RGS14: variants seen among roughly 807,000 people sequenced by gnomAD.
RGS14 encodes the protein regulator of G protein signaling 14.
Under a neutral mutation model 63.8 loss-of-function variants are expected in RGS14, and 33 were observed. The observed-to-expected ratio is 0.52, with a 90% CI of 0.39 to 0.69. The LOEUF is 0.69. Ranked by LOEUF, RGS14 falls within the 30% of genes least tolerant of loss-of-function variation. The pLI, the probability that RGS14 is intolerant of heterozygous loss-of-function variation, is 0.00. For missense variants in RGS14, 739 were observed against 742.9 expected (o/e 0.99, Z 0.06); for synonymous variants, 296 against 320.9 (o/e 0.92, Z 0.83).
chr5:177,367,209 G>A, intron 5 of RGS14, 175 bp downstream of exon 5: 2 of 1,103,286 alleles, frequency 1.8e-6, no homozygotes, highest in Non-Finnish European at 2.5e-6. Flanking sequence ...AGAGGCACGG[G>A]GAAGGACAGT....
Position 177,364,862 on chromosome 5 carries a change from A to T in RGS14, c.46-1101A>T, listed in dbSNP as rs1310567280. Among the ~76,000 whole-genome samples, 7 of 152,212 alleles carry T rather than the reference A, an allele frequency of 4.6e-5. No homozygotes were observed. Among genetic ancestry groups the T allele is most frequent in the African/African-American group, 1.7e-4 (7 of 41,442 alleles). On this transcript the variant is annotated intron_variant, in intron 1 of 14. Coordinates refer to ENST00000408923, the MANE Select transcript of RGS14 (RefSeq NM_006480.5). This position sits in a 1 kb window ranked among gnomAD's most constrained non-coding sequence, Gnocchi z 4.6. Reference sequence around the variant, plus strand: ...TAGTTACTGCAGCAGTACTACTCACAGAGTAGTCCCTGAACCAGCAGCATC... The same window carrying T: ...TAGTTACTGCAGCAGTACTACTCACTGAGTAGTCCCTGAACCAGCAGCATC...
At chr5:177,367,615 A>C (rs943129686) in intron 6 of RGS14, 58 bp downstream of exon 6, 1 of 1,582,016 alleles carries the variant, frequency 6.3e-7, no homozygotes, top group Non-Finnish European at 8.6e-7. Context: ...ACCGCGTGCA[A>C]GAGGGGACGC....
rs1362688128 is a variant in RGS14, at chr5:177,371,057, G to GC, written c.1254+27dup. 5 of 1,142,130 alleles carry GC rather than the reference G, an allele frequency of 4.4e-6. No individual in the cohort carries two copies. In the African/African-American group the frequency reaches 1.2e-4, roughly 27 times the overall value. 70.7% of individuals were successfully genotyped at this position (1,142,130 alleles called of 1,614,324 possible). Reference sequence around the variant, plus strand: ...GTGAGCTTCCGGGCCGCGGGGCGGGGCGGGGCGGGGCCGGGCCGGGGCCGG... The same window carrying GC: ...GTGAGCTTCCGGGCCGCGGGGCGGGGCCGGGGCGGGGCCGGGCCGGGGCCGG... On this transcript the variant is annotated intron_variant, in intron 11 of 14. Coordinates refer to ENST00000408923, the MANE Select transcript of RGS14 (RefSeq NM_006480.5). This position sits in a 1 kb window ranked among gnomAD's most constrained non-coding sequence, Gnocchi z 6.1.
intron 3 of RGS14, 104 bp downstream of exon 3, chr5:177,366,459 T>C (rs1026034260): frequency 1.9e-6 from 2 of 1,063,128 alleles, no homozygotes; most frequent in African/African-American, 3.2e-5. Flanking sequence ...CTTCCTCATC[T>C]AGCCTTCCTG....
In RGS14 at chr5:177,371,348, A is replaced by C; in HGVS notation, c.1337-2A>C. 8 of 1,614,018 alleles carry C rather than the reference A, an allele frequency of 5.0e-6. No homozygotes were observed. The highest frequency in any genetic ancestry group is 6.8e-6 in the Non-Finnish European group (8 of 1,179,956). On this transcript the variant is annotated splice_acceptor_variant, in intron 12 of 14. Coordinates refer to ENST00000408923, the MANE Select transcript of RGS14 (RefSeq NM_006480.5). LOFTEE classifies it high-confidence loss of function. The surrounding 1 kb of genome is among the most constrained non-coding windows in gnomAD (Gnocchi z 6.1). Reference sequence around the variant, plus strand: ...CACTAACTGTGGCCCTCTCTGCTGCAGGTGTGAAGATCTCCAAAGCCCGTG... The same window carrying C: ...CACTAACTGTGGCCCTCTCTGCTGCCGGTGTGAAGATCTCCAAAGCCCGTG...
chr5:177,368,947 T>G, intron 9 of RGS14, 27 bp downstream of exon 9: 1 of 1,603,070 alleles, frequency 6.2e-7, no homozygotes, highest in East Asian at 2.2e-5. Context: ...GCTCCAACTC[T>G]AACCTCCTTC....
rs764530185 is a variant in RGS14, at chr5:177,372,083, C to CCAA, written c.*11_*13dup. 13 of 1,613,062 alleles carry CCAA rather than the reference C, an allele frequency of 8.1e-6. No individual in the cohort carries two copies. The highest frequency in any genetic ancestry group is 1.0e-5 in the Non-Finnish European group (12 of 1,179,522). ...ACCGACTCAGCCCTCTGACAGCTAC[C>CCAA]CAACAGTCCAGGACAGCTGCATGGC... is the stretch of plus-strand genomic sequence containing the variant. On this transcript the variant is annotated 3_prime_UTR_variant, in exon 15 of 15. Transcript: ENST00000408923.
At chr5:177,367,112 T>C (rs968240713) in intron 5 of RGS14, 78 bp downstream of exon 5, 1 of 1,517,618 alleles carries the variant, frequency 6.6e-7, no homozygotes, top group Non-Finnish European at 8.9e-7. Context: ...GCGGGGAGTC[T>C]GAACTACAAA....
In RGS14 at chr5:177,359,906, C is replaced by T. The variant is rs1381375014; in HGVS notation, c.45+1837C>T. On this transcript the variant is annotated intron_variant, in intron 1 of 14. Transcript: ENST00000408923. The surrounding 1 kb of genome is among the most constrained non-coding windows in gnomAD (Gnocchi z 4.4). ...AGGCTCAGAGAAGTAAATGCTGTGC[C>T]GAGGTCAGCCAGAGAGTAGAGCGTC... 2.0e-5 allele frequency among the ~76,000 whole-genome samples: 3 copies of T among 152,154 alleles called. No homozygotes were observed. Among genetic ancestry groups the T allele is most frequent in the African/African-American group, 7.2e-5 (3 of 41,402 alleles).
rs957894555 is a variant in RGS14, at chr5:177,372,137, C to T, written c.*62C>T. On this transcript the variant is annotated 3_prime_UTR_variant, in exon 15 of 15. Transcript: ENST00000408923. ...CGGCGGGCCGAGCATGCCATGGGTC[C>T]GCTCTGCATGCCCTGTCTGTGCCAT... 2.7e-5 allele frequency: 39 copies of T among 1,470,468 alleles called. No individual in the cohort carries two copies. Among genetic ancestry groups the T allele is most frequent in the Admixed American group, 1.0e-4 (6 of 57,536 alleles). 91.1% of individuals were successfully genotyped at this position (1,470,468 alleles called of 1,614,324 possible).
intron 9 of RGS14, 81 bp downstream of exon 9, chr5:177,369,001 G>C: frequency 1.4e-6 from 2 of 1,411,718 alleles, no homozygotes; most frequent in Admixed American, 3.6e-5. Flanking sequence ...CTCAGTCATG[G>C]CTCCAACCCC....
Position 177,371,309 on chromosome 5 carries a change from A to C in RGS14, c.1337-41A>C, listed in dbSNP as rs1272834555. The C allele has an allele frequency of 6.2e-7, 1 of 1,614,066 alleles. No individual in the cohort carries two copies. Among genetic ancestry groups the C allele is most frequent in the Non-Finnish European group, 8.5e-7 (1 of 1,179,962 alleles). The stretch of plus-strand genomic sequence containing the variant: ...CTGTGGCCCAGGAGGAAGGGGGTCC[A>C]GGTGGGAGGCAAACACTAACTGTGG... On this transcript the variant is annotated intron_variant, in intron 12 of 14. Transcript: ENST00000408923. This position sits in a 1 kb window ranked among gnomAD's most constrained non-coding sequence, Gnocchi z 6.1.
At chr5:177,367,691 C>T (rs1278542616) in intron 6 of RGS14, 23 bp from the exon 7 acceptor site, 1 of 1,605,186 alleles carries the variant, frequency 6.2e-7, no homozygotes, top group Non-Finnish European at 8.5e-7. Flanking sequence ...AGCCCGGTGC[C>T]AGCGCCTCCC....
At chr5:177,370,559 G>T in intron 9 of RGS14, 32 bp from the exon 10 acceptor site, 1 of 1,603,288 alleles carries the variant, frequency 6.2e-7, no homozygotes, top group South Asian at 1.1e-5. Context: ...TTGGGGGAGG[G>T]ACTCTTAGAC....
At chr5:177,365,440 T>C (rs1057286806) in intron 1 of RGS14, among the ~76,000 whole-genome samples, 3 of 151,846 alleles carry the variant, frequency 2.0e-5, no homozygotes, top group Non-Finnish European at 2.9e-5. Flanking sequence ...TGACCTCAGG[T>C]GATCCACCCA....
In RGS14 at chr5:177,371,079, C is replaced by A; in HGVS notation, c.1254+48C>A. 4.3e-6 allele frequency: 1 copy of A among 233,080 alleles called. No individual in the cohort carries two copies. Among genetic ancestry groups the A allele is most frequent in the Non-Finnish European group, 5.0e-6 (1 of 201,120 alleles). 14.4% of individuals were successfully genotyped at this position (233,080 alleles called of 1,614,324 possible). On this transcript the variant is annotated intron_variant, in intron 11 of 14. Transcript: ENST00000408923. This position sits in a 1 kb window ranked among gnomAD's most constrained non-coding sequence, Gnocchi z 6.1. ...GGGGCGGGGCGGGGCCGGGCCGGGG[C>A]CGGGGCCGGGGCCGGGGCCGGGGCC...
chr5:177,368,714 C>T lies in RGS14; in HGVS notation c.850-3C>T, dbSNP rs770838113. 144 of 1,613,808 alleles carry T rather than the reference C, an allele frequency of 8.9e-5. No individual in the cohort carries two copies. The highest frequency in any genetic ancestry group is 1.2e-4 in the Non-Finnish European group (139 of 1,179,934). On this transcript the variant is annotated splice_region_variant and splice_polypyrimidine_tract_variant and intron_variant, in intron 8 of 14. Coordinates refer to ENST00000408923, the MANE Select transcript of RGS14 (RefSeq NM_006480.5). ...AATCTCCCCCACTCCTGCCATGAAT[C>T]AGAGCCACCGGAAGAGCCTTGGGAG...
intron 10 of RGS14, 46 bp from the exon 11 acceptor site, chr5:177,370,859 G>C (rs761667601): frequency 2.3e-5 from 36 of 1,543,952 alleles, no homozygotes; most frequent in East Asian, 1.9e-4. Flanking sequence ...AGGGTTTGGC[G>C]GGGGGCCGGC....
In RGS14 at chr5:177,368,209, C is replaced by G. The variant is rs758304654; in HGVS notation, c.792C>G (p.Leu264=). The change falls in exon 8 of 15, where the codon CTC becomes CTG. Residue 264 remains leucine, a synonymous_variant. Transcript: ENST00000408923. ...AALRRESQGS[L]NSSASLDLGF... ...TGCGCCGAGAGTCTCAGGGCTCCCT[C>G]AACTCCTCCGCCAGCCTGGACCTTG... 6.2e-7 allele frequency: 1 copy of G among 1,614,016 alleles called. No individual in the cohort carries two copies. The highest frequency in any genetic ancestry group is 8.5e-7 in the Non-Finnish European group (1 of 1,179,940).
Sources: gnomAD v4.1 joint callset for allele counts (sites outside exome capture counted in the v4.1 genomes callset) on GRCh38, gnomAD v4.1.1 for gene constraint, Gnocchi (gnomAD v3.1) non-coding constraint, MANE v1.5 for transcripts, NCBI Gene and HGNC (gene_info 2026-07-23, HGNC 2026-07-21) for gene names.